The following UNC5A variants were observed in gnomAD, a reference collection of about 807,000 sequenced individuals.
UNC5A encodes the protein unc-5 netrin receptor A, also known as netrin receptor UNC5A.
Under a neutral mutation model 87.4 loss-of-function variants are expected in UNC5A, and 20 were observed. The observed-to-expected ratio is 0.23, with a 90% CI of 0.16 to 0.33. The LOEUF (loss-of-function observed/expected upper bound fraction) is 0.33. Among genes scored for constraint, UNC5A ranks in the 10% least tolerant of loss-of-function variants. The pLI, the probability that UNC5A is intolerant of heterozygous loss-of-function variation, is 1.00. For missense variants in UNC5A, 844 were observed against 1,133.4 expected (o/e 0.74, Z 3.67); for synonymous variants, 438 against 482.3 (o/e 0.91, Z 1.20).
chr5:176,860,194 G>T (rs10071529), intron 1 of UNC5A, among the ~76,000 whole-genome samples: 2 of 152,190 alleles, frequency 1.3e-5, no homozygotes, highest in Admixed American at 6.5e-5. Context: ...CAGGTGGGCC[G>T]GGAACCTGCC....
At chr5:176,879,230 G>T (rs1031061655) in intron 13 of UNC5A, 80 bp from the exon 14 acceptor site, 9 of 1,476,654 alleles carry the variant, frequency 6.1e-6, no homozygotes, top group Non-Finnish European at 8.2e-6. Flanking sequence ...GGGAGTCTGG[G>T]AGCTCCCCCA....
rs1346197771 is a variant in UNC5A at position 176,875,915 on chromosome 5, A to G, written c.1379-1277A>G. On this transcript the variant is annotated intron_variant, in intron 8 of 14. Transcript: ENST00000329542. This position sits in a 1 kb window ranked among gnomAD's most constrained non-coding sequence, Gnocchi z 5.2. ...CTCACGTCCACACGGATGATAACGA[A>G]CCCCTCATGGGGCTGTTGGGATGAC... Among the ~76,000 whole-genome samples, 2 of 152,070 alleles carry G rather than the reference A, an allele frequency of 1.3e-5. No homozygotes were observed. Among genetic ancestry groups the G allele is most frequent in the Non-Finnish European group, 2.9e-5 (2 of 68,012 alleles).
Position 176,880,045 on chromosome 5 carries a change from C to A in UNC5A, c.*159C>A. On this transcript the variant is annotated 3_prime_UTR_variant, in exon 15 of 15. Coordinates refer to ENST00000329542, the MANE Select transcript of UNC5A (RefSeq NM_133369.3). ...TTAATGCTGGTCCTTCAGACCCTGC[C>A]CGAACTCCCACCTCTCCATGGCCTG... 2.0e-6 allele frequency: 2 copies of A among 994,208 alleles called. No individual in the cohort carries two copies. Among genetic ancestry groups the A allele is most frequent in the Non-Finnish European group, 2.9e-6 (2 of 700,646 alleles). The allele number at this position is 994,208 out of a possible 1,614,324, so 61.6% of individuals were successfully genotyped here.
intron 1 of UNC5A, among the ~76,000 whole-genome samples, chr5:176,857,046 TTGGCATTCAGGGCGCTGCTCAGA>T (rs1757684478): frequency 6.6e-6 from 1 of 152,234 alleles, no homozygotes; most frequent in Non-Finnish European, 1.5e-5. Context: ...TAGCCTGGCC[TTGGCATTCAGGGCGCTGCTCAGA>T]TGGCACCTGC....
At position 176,868,906 on chromosome 5, in the gene UNC5A, C is replaced by T. The variant is rs144713374; in HGVS notation, c.663C>T (p.Cys221=). 21 of 1,612,566 alleles carry T rather than the reference C, an allele frequency of 1.3e-5. No homozygotes were observed. Among genetic ancestry groups the T allele is most frequent in the Middle Eastern group, 1.6e-4 (1 of 6,082 alleles). ...TTGCTGACACGGCCAACTACACCTG[C>T]GTGGCCAAGAACATCGTGGCACGTC... ...ARLADTANYT[C]VAKNIVARRR... Residue 221 remains cysteine (C), a synonymous_variant, in exon 5 of 15, where the codon TGC becomes TGT. Coordinates refer to ENST00000329542, the MANE Select transcript of UNC5A (RefSeq NM_133369.3).
intron 1 of UNC5A, among the ~76,000 whole-genome samples, chr5:176,835,876 CAAA>C (rs937334562): frequency 6.6e-6 from 1 of 152,012 alleles, no homozygotes; most frequent in African/African-American, 2.4e-5. Context: ...AAGGAGCTGA[CAAA>C]GAAATGAAAC....
chr5:176,845,179 C>T (rs1174939298), intron 1 of UNC5A, among the ~76,000 whole-genome samples: 1 of 152,306 alleles, frequency 6.6e-6, no homozygotes, highest in East Asian at 1.9e-4. Flanking sequence ...CTCCAGCAGC[C>T]TGTTCCAGGT....
intron 1 of UNC5A, among the ~76,000 whole-genome samples, chr5:176,818,299 A>G (rs1756643468): frequency 6.6e-6 from 1 of 152,212 alleles, no homozygotes; most frequent in African/African-American, 2.4e-5. Flanking sequence ...CCCGTTTTAC[A>G]GATGAGGCCG....
chr5:176,862,969 A>T, intron 2 of UNC5A, 124 bp downstream of exon 2: 1 of 1,118,398 alleles, frequency 8.9e-7, no homozygotes, highest in Non-Finnish European at 1.3e-6. Flanking sequence ...CCCAGAGGCC[A>T]CAACCCTCAG....
rs527392130 is a variant in UNC5A at position 176,873,644 on chromosome 5, G to A, written c.887-324G>A. Among the ~76,000 whole-genome samples, 10 of 152,276 alleles carry A rather than the reference G, an allele frequency of 6.6e-5. No homozygotes were observed. The East Asian group carries it at 1.9e-3, about 29-fold the overall frequency. ...CCTTGTCCCAGAAGAGCAGGCAGCAGGTTCAACCTAGCAGCCAGGCACCAG... is the reference window on the plus strand; with the variant it reads ...CCTTGTCCCAGAAGAGCAGGCAGCAAGTTCAACCTAGCAGCCAGGCACCAG... On this transcript the variant is annotated intron_variant, in intron 6 of 14. Coordinates refer to ENST00000329542, the MANE Select transcript of UNC5A (RefSeq NM_133369.3).
intron 1 of UNC5A, among the ~76,000 whole-genome samples, chr5:176,858,810 A>C: frequency 7.1e-6 from 1 of 140,978 alleles, no homozygotes; most frequent in Non-Finnish European, 1.5e-5. Flanking sequence ...GAGGGAAGGA[A>C]AGAAAGAAAG....
Position 176,869,594 on chromosome 5 carries a change from G to C in UNC5A, c.721+630G>C, listed in dbSNP as rs1443219725. On this transcript the variant is annotated intron_variant, in intron 5 of 14. Coordinates refer to ENST00000329542, the MANE Select transcript of UNC5A (RefSeq NM_133369.3). This position sits in a 1 kb window ranked among gnomAD's most constrained non-coding sequence, Gnocchi z 9.1. ...AGGACGCCCCCGCTCCCTGACCCCA[G>C]TCCTTCTCTGTCCGGCCAGTGAACG... is the stretch of plus-strand genomic sequence containing the variant. 1 of 696,242 alleles carries C rather than the reference G, an allele frequency of 1.4e-6. No homozygotes were observed. Among genetic ancestry groups the C allele is most frequent in the African/African-American group, 1.8e-5 (1 of 57,028 alleles). The allele number at this position is 696,242 out of a possible 1,614,324, so 43.1% of individuals were successfully genotyped here. A position where few individuals can be genotyped will look rare whatever the true frequency, so the allele number is the denominator to read the frequency against.
chr5:176,863,020 G>A (rs944462431), intron 2 of UNC5A, among the ~76,000 whole-genome samples, 175 bp downstream of exon 2: 2 of 152,244 alleles, frequency 1.3e-5, no homozygotes, highest in Non-Finnish European at 2.9e-5. Flanking sequence ...GGTCCCTGAT[G>A]ACCAAGGAGC....
intron 8 of UNC5A, among the ~76,000 whole-genome samples, chr5:176,876,084 G>T (rs565211119): frequency 2.6e-4 from 40 of 152,358 alleles, no homozygotes; most frequent in Admixed American, 1.9e-3. Context: ...CTTCTCCCCT[G>T]CTGGGCTAAG....
At chr5:176,828,588 CT>C (rs1211706798) in intron 1 of UNC5A, among the ~76,000 whole-genome samples, 2 of 152,362 alleles carry the variant, frequency 1.3e-5, no homozygotes, top group Non-Finnish European at 2.9e-5. Flanking sequence ...GAGGTTCCCC[CT>C]GGGCCTCCAA....
intron 1 of UNC5A, among the ~76,000 whole-genome samples, chr5:176,858,760 AAGGAAGGAAGGAAG>A (rs1757732613): frequency 1.5e-5 from 2 of 137,436 alleles, no homozygotes; most frequent in Non-Finnish European, 3.1e-5. Flanking sequence ...GGAAGGAAGG[AAGGAAGGAAGGAAG>A]GCAAGCAAGC....
chr5:176,857,627 G>A (rs1283223014), intron 1 of UNC5A, among the ~76,000 whole-genome samples: 2 of 152,160 alleles, frequency 1.3e-5, no homozygotes, highest in African/African-American at 4.8e-5. Context: ...CACCCTTGCC[G>A]AGCAGGGGCA....
chr5:176,849,950 A>G (rs1474968616), intron 1 of UNC5A, among the ~76,000 whole-genome samples: 1 of 152,224 alleles, frequency 6.6e-6, no homozygotes, highest in African/African-American at 2.4e-5. Context: ...CCGACTTGCC[A>G]GCCCCTGAGC....
At chr5:176,860,591 C>T (rs567986385) in intron 1 of UNC5A, among the ~76,000 whole-genome samples, 8 of 152,216 alleles carry the variant, frequency 5.3e-5, no homozygotes, top group African/African-American at 1.9e-4. Context: ...CAGCTGGAGG[C>T]TCTGGGGTAA....
Sources: gnomAD v4.1 joint callset for allele counts (sites outside exome capture counted in the v4.1 genomes callset) on GRCh38, gnomAD v4.1.1 for gene constraint, Gnocchi (gnomAD v3.1) non-coding constraint, MANE v1.5 for transcripts, NCBI Gene and HGNC (gene_info 2026-07-23, HGNC 2026-07-21) for gene names.